Variants in CTTNBP2 observed in about 807,000 individuals in gnomAD.
The protein encoded by CTTNBP2 is cortactin-binding protein 2.
Under a neutral mutation model 156.9 loss-of-function variants are expected in CTTNBP2, and 108 were observed. That is an observed-to-expected ratio of 0.69 (90% CI 0.59 to 0.81). CTTNBP2 has a LOEUF of 0.81. Among genes scored for constraint, CTTNBP2 ranks in the 30% least tolerant of loss-of-function variants. The probability of loss-of-function intolerance (pLI) is 0.00; values close to 1 mark genes in which losing one functional copy is unlikely to be tolerated. For missense variants in CTTNBP2, 1,924 were observed against 2,035.4 expected, an observed-to-expected ratio of 0.95 and a Z score of 1.05; for synonymous variants, 767 against 751.8, an observed-to-expected ratio of 1.02 and a Z score of -0.33.
At chr7:117,820,086 T>C (rs1300184987) in intron 2 of CTTNBP2, among the ~76,000 whole-genome samples, 1 of 152,250 alleles carries the variant, frequency 6.6e-6, no homozygotes, top group Non-Finnish European at 1.5e-5. Flanking sequence ...TCATTAGTGC[T>C]CATGCTCTGA....
At chr7:117,852,842 C>A (rs1307901168) in intron 2 of CTTNBP2, among the ~76,000 whole-genome samples, 1 of 152,076 alleles carries the variant, frequency 6.6e-6, no homozygotes, top group African/African-American at 2.4e-5. Context: ...AGTAAACAAT[C>A]CATAAATGAC....
chr7:117,715,092 G>T (rs1274293717), intron 22 of CTTNBP2, among the ~76,000 whole-genome samples: 1 of 152,138 alleles, frequency 6.6e-6, no homozygotes, highest in African/African-American at 2.4e-5. Flanking sequence ...GCATCTACTA[G>T]AAGCTAAGAA....
Position 117,718,122 on chromosome 7 carries a change from A to T in CTTNBP2, c.4645-3T>A, listed in dbSNP as rs1202374241. On this transcript the variant is annotated splice_region_variant and splice_polypyrimidine_tract_variant and intron_variant, in intron 21 of 22. Transcript: ENST00000160373. ...AAATCATCCCTGGAATCAGCAATCT[A>T]GAAAATACAGAATTTGCCCGGTCAT... The T allele has an allele frequency of 6.3e-7, 1 of 1,595,394 alleles. No individual in the cohort carries two copies. Among genetic ancestry groups the T allele is most frequent in the Non-Finnish European group, 8.6e-7 (1 of 1,163,658 alleles).
chr7:117,836,936 A>G (rs950306597), intron 2 of CTTNBP2, among the ~76,000 whole-genome samples: 1 of 152,190 alleles, frequency 6.6e-6, no homozygotes, highest in Admixed American at 6.5e-5. Flanking sequence ...ACACGTGGGA[A>G]TTATGGGAGC....
At chr7:117,800,296 T>A (rs1328763325) in intron 3 of CTTNBP2, among the ~76,000 whole-genome samples, 1 of 152,094 alleles carries the variant, frequency 6.6e-6, no homozygotes, top group African/African-American at 2.4e-5. Flanking sequence ...GTAAGACTAA[T>A]CCATGATGAA....
intron 3 of CTTNBP2, among the ~76,000 whole-genome samples, chr7:117,810,488 C>T (rs1438480085): frequency 6.6e-6 from 1 of 152,106 alleles, no homozygotes; most frequent in African/African-American, 2.4e-5. Context: ...AGTCCAAAAA[C>T]ATATATATAG....
rs556800406 is a variant in CTTNBP2 at position 117,727,318 on chromosome 7, A to G, written c.4055+771T>C. Reference sequence around the variant, plus strand: ...TTGATCCTCCTGCCTCAGCCTCCCAACTCAATAGCTGGGACTACAGGTACA... The same window carrying G: ...TTGATCCTCCTGCCTCAGCCTCCCAGCTCAATAGCTGGGACTACAGGTACA... On this transcript the variant is annotated intron_variant, in intron 17 of 22. Coordinates refer to ENST00000160373, the MANE Select transcript of CTTNBP2 (RefSeq NM_033427.3). Among the ~76,000 whole-genome samples, 158 of 151,522 alleles carry G rather than the reference A, an allele frequency of 1.0e-3. 1 individual carries two copies. The highest frequency in any genetic ancestry group is 3.5e-3 in the African/African-American group (144 of 41,326).
chr7:117,833,468 A>AT, intron 2 of CTTNBP2, among the ~76,000 whole-genome samples: 1 of 152,216 alleles, frequency 6.6e-6, no homozygotes, highest in Non-Finnish European at 1.5e-5. Context: ...CTACAGAACA[A>AT]TTTTGAGTCC....
At chr7:117,729,603 A>G (rs938788293) in intron 16 of CTTNBP2, among the ~76,000 whole-genome samples, 1 of 152,228 alleles carries the variant, frequency 6.6e-6, no homozygotes, top group African/African-American at 2.4e-5. Context: ...ATGAAGAGCA[A>G]GTGGTCAGTT....
chr7:117,753,466 G>T (rs1391951841), intron 12 of CTTNBP2, among the ~76,000 whole-genome samples: 4 of 152,172 alleles, frequency 2.6e-5, no homozygotes, highest in African/African-American at 9.7e-5. Context: ...TATGTTTGCT[G>T]CAAGACTACG....
intron 2 of CTTNBP2, among the ~76,000 whole-genome samples, chr7:117,828,442 C>T (rs1269449411): frequency 6.6e-6 from 1 of 152,190 alleles, no homozygotes; most frequent in Non-Finnish European, 1.5e-5. Flanking sequence ...AAGGGAAGAG[C>T]TGGTCTTGCT....
At chr7:117,719,676 C>A in intron 20 of CTTNBP2, 40 bp from the exon 21 acceptor site, 1 of 1,569,462 alleles carries the variant, frequency 6.4e-7, no homozygotes, top group Non-Finnish European at 8.7e-7. Flanking sequence ...AAAGTGAGAA[C>A]AATTCCCAAT....
intron 10 of CTTNBP2, among the ~76,000 whole-genome samples, chr7:117,758,948 G>T (rs1219363559): frequency 6.6e-6 from 1 of 152,286 alleles, no homozygotes; most frequent in East Asian, 1.9e-4. Context: ...TTAGCTGAAT[G>T]AAGGCTGATG....
intron 1 of CTTNBP2, among the ~76,000 whole-genome samples, chr7:117,869,796 G>GA (rs34465093): frequency 1.2e-4 from 18 of 147,936 alleles, no homozygotes; most frequent in Middle Eastern, 7.0e-3. Context: ...TATTTAAGAA[G>GA]AAAAAAAAAA....
At chr7:117,746,189 T>C (rs1796321813) in intron 12 of CTTNBP2, 90 bp from the exon 13 acceptor site, 14 of 824,918 alleles carry the variant, frequency 1.7e-5, no homozygotes, top group Non-Finnish European at 2.3e-5. Context: ...CTTTTTTGAT[T>C]GTCCTCATAC....
At chr7:117,808,557 G>C (rs1385998699) in intron 3 of CTTNBP2, among the ~76,000 whole-genome samples, 4 of 152,208 alleles carry the variant, frequency 2.6e-5, no homozygotes, top group Admixed American at 6.5e-5. Context: ...AGGCAAACTA[G>C]AGCAGCGCTC....
At chr7:117,832,605 G>A (rs1181914958) in intron 2 of CTTNBP2, among the ~76,000 whole-genome samples, 1 of 151,028 alleles carries the variant, frequency 6.6e-6, no homozygotes, top group East Asian at 1.9e-4. Flanking sequence ...CTATATTTTT[G>A]TTTTTTCTGT....
At chr7:117,780,636 C>A in intron 6 of CTTNBP2, 45 bp from the exon 7 acceptor site, 4 of 1,263,252 alleles carry the variant, frequency 3.2e-6, no homozygotes, top group South Asian at 1.6e-5. Context: ...TGGGTTTGAC[C>A]TTTGAAGCAC....
At chr7:117,723,798 C>A (rs1416724323) in intron 19 of CTTNBP2, among the ~76,000 whole-genome samples, 2 of 149,014 alleles carry the variant, frequency 1.3e-5, no homozygotes, top group Non-Finnish European at 3.0e-5. Flanking sequence ...TGTCACTCAG[C>A]CTGGAGTGCA....
Sources: gnomAD v4.1 joint callset for allele counts (sites outside exome capture counted in the v4.1 genomes callset) on GRCh38, gnomAD v4.1.1 for gene constraint, MANE v1.5 for transcripts, NCBI Gene and HGNC (gene_info 2026-07-23, HGNC 2026-07-21) for gene names.